The following CDK14 variants were observed in gnomAD, a reference collection of about 807,000 sequenced individuals.
The protein encoded by CDK14 is cyclin dependent kinase 14, also known as cyclin-dependent kinase 14.
A neutral mutation model predicts 60.7 loss-of-function variants in CDK14; 34 were observed. The ratio of observed to expected loss-of-function variants is 0.56; its 90% CI spans 0.43 to 0.75. The LOEUF (loss-of-function observed/expected upper bound fraction) is 0.75, where lower values mean the gene tolerates loss of function less well. Ranked by LOEUF, CDK14 falls within the 30% of genes least tolerant of loss-of-function variation. The probability of loss-of-function intolerance (pLI) is 0.00; values close to 1 mark genes in which losing one functional copy is unlikely to be tolerated. For synonymous variants in CDK14, 197 were observed against 203.7 expected, an observed-to-expected ratio of 0.97 and a Z score of 0.28; for missense variants, 482 against 564.1, an observed-to-expected ratio of 0.85 and a Z score of 1.47.
intron 14 of CDK14, among the ~76,000 whole-genome samples, chr7:91,168,443 T>A (rs1228645368): frequency 6.6e-6 from 1 of 152,234 alleles, no homozygotes; most frequent in Non-Finnish European, 1.5e-5. Flanking sequence ...TACAGAGTTA[T>A]AATTGAGAAA....
chr7:90,882,142 A>C (rs2117287531), intron 6 of CDK14, among the ~76,000 whole-genome samples: 1 of 152,196 alleles, frequency 6.6e-6, no homozygotes, highest in South Asian at 2.1e-4. Context: ...ACAGACTGGC[A>C]AATTGGATAA....
At chr7:91,194,311 T>G (rs1360027032) in intron 14 of CDK14, among the ~76,000 whole-genome samples, 1 of 152,178 alleles carries the variant, frequency 6.6e-6, no homozygotes, top group East Asian at 1.9e-4. Context: ...ACAAAAGAGC[T>G]TTTTTGTTTT....
chr7:90,923,924 G>A (rs897795834), intron 8 of CDK14, among the ~76,000 whole-genome samples: 4 of 152,178 alleles, frequency 2.6e-5, no homozygotes, highest in Non-Finnish European at 5.9e-5. Context: ...TGAACACAGT[G>A]GAAGAATTAA....
At chr7:90,655,700 C>G (rs1170241097) in intron 2 of CDK14, among the ~76,000 whole-genome samples, 3 of 152,128 alleles carry the variant, frequency 2.0e-5, no homozygotes, top group Non-Finnish European at 4.4e-5. Context: ...AGAGTATGAA[C>G]ACTTCTTTGG....
intron 3 of CDK14, among the ~76,000 whole-genome samples, chr7:90,744,624 C>G (rs1803503992): frequency 6.6e-6 from 1 of 151,470 alleles, no homozygotes; most frequent in Non-Finnish European, 1.5e-5. Context: ...GATGGGGCGG[C>G]TGGCTGGGCC....
chr7:90,940,708 C>T lies in CDK14; in HGVS notation c.827-14989C>T, dbSNP rs372580612. Among the ~76,000 whole-genome samples, 5 of 152,164 alleles carry T rather than the reference C, an allele frequency of 3.3e-5. No individual in the cohort carries two copies. The South Asian group carries it at 6.2e-4, about 19-fold the overall frequency. On this transcript the variant is annotated intron_variant, in intron 8 of 14. Transcript: ENST00000380050. ...GGCTGAGGTGGGAAGGTCGCTTGAG[C>T]CCGGGAGGTTGAGGCTGCAGTGAGC...
intron 10 of CDK14, among the ~76,000 whole-genome samples, chr7:91,012,927 G>T (rs1449996373): frequency 1.3e-5 from 2 of 152,188 alleles, no homozygotes; most frequent in African/African-American, 2.4e-5. Context: ...GGAAATGTCA[G>T]ACAACACAGC....
chr7:90,982,571 G>A (rs1035782442), intron 9 of CDK14, among the ~76,000 whole-genome samples: 2 of 152,206 alleles, frequency 1.3e-5, no homozygotes, highest in South Asian at 2.1e-4. Flanking sequence ...ACCACTGAAT[G>A]TCTAGAGACT....
At chr7:90,887,713 A>G (rs1018870621) in intron 6 of CDK14, among the ~76,000 whole-genome samples, 1 of 152,186 alleles carries the variant, frequency 6.6e-6, no homozygotes, top group African/African-American at 2.4e-5. Context: ...CATTGCTTCT[A>G]ATACATTCCT....
intron 5 of CDK14, among the ~76,000 whole-genome samples, chr7:90,818,908 G>A (rs7783233): frequency 0.66 from 97,439 of 147,676 alleles, 32,056 homozygotes; most frequent in East Asian, 0.96. Context: ...GTGTGTGTGT[G>A]TATATATATA....
chr7:91,050,958 T>A (rs992121709), intron 11 of CDK14, among the ~76,000 whole-genome samples: 1 of 152,186 alleles, frequency 6.6e-6, no homozygotes, highest in Non-Finnish European at 1.5e-5. Context: ...TTTTCCAGCC[T>A]CCATTATGAA....
intron 14 of CDK14, among the ~76,000 whole-genome samples, chr7:91,151,173 T>A (rs901032487): frequency 6.6e-6 from 1 of 152,172 alleles, no homozygotes. Context: ...GCTCTTACCC[T>A]TCTCATTCCC....
rs183774292 is a variant in CDK14 at position 91,192,940 on chromosome 7, C to T, written c.*29-14225C>T. Among the ~76,000 whole-genome samples the T allele has an allele frequency of 7.5e-3, 1,146 of 152,262 alleles. 21 individuals carry two copies. The highest frequency in any genetic ancestry group is 0.023 in the South Asian group (111 of 4,824). ...TCATCAGATAGCCTGATCCGGGTTT[C>T]TCCTCTCTTGAAGGAAATATGATGC... On this transcript the variant is annotated intron_variant, in intron 14 of 14. Transcript: ENST00000380050.
intron 10 of CDK14, among the ~76,000 whole-genome samples, chr7:91,038,630 G>C (rs1796997899): frequency 6.6e-6 from 1 of 152,184 alleles, no homozygotes; most frequent in Non-Finnish European, 1.5e-5. Context: ...AGATGTCCAG[G>C]CTTTGGAAAT....
intron 6 of CDK14, among the ~76,000 whole-genome samples, chr7:90,891,276 G>T (rs960283136): frequency 6.6e-6 from 1 of 152,096 alleles, no homozygotes; most frequent in Non-Finnish European, 1.5e-5. Context: ...ATACCCAAGG[G>T]AGCTTCTTAA....
chr7:90,805,036 G>A (rs1368331918), intron 5 of CDK14, among the ~76,000 whole-genome samples: 1 of 152,054 alleles, frequency 6.6e-6, no homozygotes, highest in Non-Finnish European at 1.5e-5. Context: ...TAAATAAAAT[G>A]TCCTGTGTTA....
chr7:90,931,073 A>C (rs758656099), intron 8 of CDK14, among the ~76,000 whole-genome samples: 6 of 152,182 alleles, frequency 3.9e-5, no homozygotes, highest in Non-Finnish European at 5.9e-5. Context: ...TATTACAGAT[A>C]AGTAAGTTTT....
chr7:90,959,070 C>T (rs937402577), intron 9 of CDK14, among the ~76,000 whole-genome samples: 1 of 152,086 alleles, frequency 6.6e-6, no homozygotes, highest in Admixed American at 6.6e-5. Context: ...TGTGTTCATT[C>T]TCTCAAGGAA....
intron 5 of CDK14, among the ~76,000 whole-genome samples, chr7:90,824,274 A>T (rs1488951342): frequency 6.6e-6 from 1 of 152,066 alleles, no homozygotes; most frequent in Non-Finnish European, 1.5e-5. Context: ...TGCCAGCATG[A>T]TCTCCATTAT....
Sources: allele counts gnomAD v4.1 joint callset (sites outside exome capture counted in the v4.1 genomes callset), GRCh38; gene constraint gnomAD v4.1.1; transcripts MANE v1.5; gene names NCBI Gene and HGNC (gene_info 2026-07-23, HGNC 2026-07-21).